Variants in ZMYM4 observed in about 807,000 individuals in gnomAD.
ZMYM4 encodes the protein zinc finger MYM-type protein 4.
ZMYM4 carries 31 observed loss-of-function variants against 183.2 expected under a neutral mutation model. That is an observed-to-expected ratio of 0.17 (90% CI 0.13 to 0.23). The LOEUF (loss-of-function observed/expected upper bound fraction) is 0.23, where lower values mean the gene tolerates loss of function less well. Among genes scored for constraint, ZMYM4 ranks in the 10% least tolerant of loss-of-function variants. The probability of loss-of-function intolerance (pLI) is 1.00; values close to 1 mark genes in which losing one functional copy is unlikely to be tolerated. For synonymous variants in ZMYM4, 592 were observed against 631.2 expected, an observed-to-expected ratio of 0.94 and a Z score of 0.93; for missense variants, 1,273 against 1,840.3, an observed-to-expected ratio of 0.69 and a Z score of 5.64.
At chr1:35,321,873 C>G (rs978585082) in intron 1 of ZMYM4, among the ~76,000 whole-genome samples, 1 of 151,200 alleles carries the variant, frequency 6.6e-6, no homozygotes, top group Non-Finnish European at 1.5e-5. Context: ...CTAGTGATCC[C>G]ACTTCTAGAA....
intron 7 of ZMYM4, among the ~76,000 whole-genome samples, chr1:35,376,963 G>C (rs1160260915): frequency 6.6e-6 from 1 of 151,952 alleles, no homozygotes; most frequent in African/African-American, 2.4e-5. Context: ...CTGAAGTACA[G>C]TGGTGCGATC....
intron 1 of ZMYM4, among the ~76,000 whole-genome samples, chr1:35,270,726 G>C (rs865881795): frequency 1.5e-4 from 23 of 152,040 alleles, no homozygotes; most frequent in Middle Eastern, 3.2e-3. Flanking sequence ...GCAGTGAGCC[G>C]AGATCGTGCT....
chr1:35,374,384 T>C (rs1644289128), intron 7 of ZMYM4, among the ~76,000 whole-genome samples: 1 of 152,184 alleles, frequency 6.6e-6, no homozygotes, highest in Non-Finnish European at 1.5e-5. Context: ...TTAATTTTTA[T>C]AGTTTTTTTT....
At chr1:35,294,571 A>G (rs568539373) in intron 1 of ZMYM4, among the ~76,000 whole-genome samples, 25 of 152,288 alleles carry the variant, frequency 1.6e-4, no homozygotes, top group African/African-American at 5.3e-4. Flanking sequence ...GTTACAAATA[A>G]ACAGATTCAT....
rs774574418 is a variant in ZMYM4 at position 35,381,260 on chromosome 1, G to C, written c.1183G>C (p.Asp395His). The change falls in exon 8 of 30, where the codon GAC becomes CAC. Residue 395 changes from aspartate to histidine, a missense_variant and splice_region_variant. Coordinates refer to ENST00000314607, the MANE Select transcript of ZMYM4 (RefSeq NM_005095.3). ...ATGTTATTTTTTTCTTATTTTTAGAGACATTTTAAATCCAAAGGATGTGAT... is the reference window on the plus strand; with the variant it reads ...ATGTTATTTTTTTCTTATTTTTAGACACATTTTAAATCCAAAGGATGTGAT... ...TKKTCSSCSKDILNPKDVISA... is the reference protein window; with the variant it reads ...TKKTCSSCSKHILNPKDVISA... 6.4e-7 allele frequency: 1 copy of C among 1,568,346 alleles called. No individual in the cohort carries two copies. The highest frequency in any genetic ancestry group is 8.6e-7 in the Non-Finnish European group (1 of 1,160,196).
At chr1:35,373,368 C>CTT (rs1275965881) in intron 7 of ZMYM4, among the ~76,000 whole-genome samples, 1 of 141,008 alleles carries the variant, frequency 7.1e-6, no homozygotes. Context: ...ATGATCTTAA[C>CTT]TTTTTTTTTT....
rs1640316330 is a variant in ZMYM4, at chr1:35,421,230, G to T, written c.*1553G>T. 2 of 152,564 alleles carry T rather than the reference G, an allele frequency of 1.3e-5. No homozygotes were observed. Among genetic ancestry groups the T allele is most frequent in the Non-Finnish European group, 2.9e-5 (2 of 68,022 alleles). The allele number at this position is 152,564 out of a possible 1,614,324, so 9.5% of individuals were successfully genotyped here. ...CTAAAATGAAAAAAGTAGGCCTTCT[G>T]ACATTGTGTACTTGGTGGTTCTGTC... On this transcript the variant is annotated 3_prime_UTR_variant, in exon 30 of 30. Transcript: ENST00000314607.
chr1:35,387,749 T>G, intron 13 of ZMYM4, 145 bp downstream of exon 13: 1 of 832,148 alleles, frequency 1.2e-6, no homozygotes, highest in Admixed American at 3.2e-5. Flanking sequence ...TACACTTAGT[T>G]CATTCTTTTT....
chr1:35,412,126 GC>G (rs1443543259), intron 26 of ZMYM4, among the ~76,000 whole-genome samples: 2 of 151,698 alleles, frequency 1.3e-5, no homozygotes, highest in African/African-American at 2.4e-5. Context: ...TGATCCGCCC[GC>G]CTTAGCCTCC....
intron 23 of ZMYM4, among the ~76,000 whole-genome samples, chr1:35,401,041 G>A (rs1644899754): frequency 6.6e-6 from 1 of 152,182 alleles, no homozygotes; most frequent in African/African-American, 2.4e-5. Flanking sequence ...GTTGTTTCCA[G>A]ATTGGGGCTA....
chr1:35,293,249 C>T lies in ZMYM4; in HGVS notation c.39+24164C>T, dbSNP rs546596997. On this transcript the variant is annotated intron_variant, in intron 1 of 29. Coordinates refer to ENST00000314607, the MANE Select transcript of ZMYM4 (RefSeq NM_005095.3). ...CAAAGTCCTGGGCTCAAATGATCCT[C>T]CTGCCTCAGCCTCCCGAAGTGCTAG... Among the ~76,000 whole-genome samples the T allele has an allele frequency of 1.2e-3, 177 of 152,166 alleles. 1 individual carries two copies. The highest frequency in any genetic ancestry group is 4.1e-3 in the African/African-American group (172 of 41,498).
intron 18 of ZMYM4, among the ~76,000 whole-genome samples, chr1:35,394,673 T>C (rs1644775720): frequency 6.6e-6 from 1 of 152,202 alleles, no homozygotes; most frequent in African/African-American, 2.4e-5. Context: ...TTGAACAGAT[T>C]GTCTTGAATA....
At chr1:35,402,999 G>A (rs1025128108) in intron 23 of ZMYM4, among the ~76,000 whole-genome samples, 1 of 152,160 alleles carries the variant, frequency 6.6e-6, no homozygotes, top group Non-Finnish European at 1.5e-5. Flanking sequence ...GTTACCTGTA[G>A]GTTTCTCATA....
chr1:35,314,511 C>T (rs988148884), intron 1 of ZMYM4, among the ~76,000 whole-genome samples: 6 of 151,502 alleles, frequency 4.0e-5, no homozygotes, highest in Non-Finnish European at 7.4e-5. Context: ...TCTTGAACTC[C>T]TGACCTCAAG....
At chr1:35,315,077 CTTT>C (rs61264993) in intron 1 of ZMYM4, among the ~76,000 whole-genome samples, 3 of 142,364 alleles carry the variant, frequency 2.1e-5, no homozygotes, top group African/African-American at 7.7e-5. Flanking sequence ...AGGTGATGGC[CTTT>C]TTTTTTTTTT....
At chr1:35,324,393 A>G (rs1642420324) in intron 1 of ZMYM4, among the ~76,000 whole-genome samples, 1 of 152,140 alleles carries the variant, frequency 6.6e-6, no homozygotes, top group Non-Finnish European at 1.5e-5. Flanking sequence ...CACTGGGCCC[A>G]GCCAAGAAGT....
intron 1 of ZMYM4, among the ~76,000 whole-genome samples, chr1:35,297,890 T>C (rs1641095889): frequency 6.6e-6 from 1 of 152,232 alleles, no homozygotes; most frequent in South Asian, 2.1e-4. Context: ...ACCAGTCCTG[T>C]ATCAGAGGAC....
chr1:35,341,319 A>G (rs2148860929), intron 2 of ZMYM4, among the ~76,000 whole-genome samples: 1 of 152,154 alleles, frequency 6.6e-6, no homozygotes, highest in Admixed American at 6.5e-5. Context: ...ATACATGTAC[A>G]TATATTACTT....
At chr1:35,412,322 CTATA>C (rs1307686208) in intron 26 of ZMYM4, among the ~76,000 whole-genome samples, 2 of 152,016 alleles carry the variant, frequency 1.3e-5, no homozygotes, top group African/African-American at 4.8e-5. Context: ...CTAAGATTTT[CTATA>C]TATAGGATTC....
Sources: allele counts gnomAD v4.1 joint callset (sites outside exome capture counted in the v4.1 genomes callset), GRCh38; gene constraint gnomAD v4.1.1; transcripts MANE v1.5; gene names NCBI Gene and HGNC (gene_info 2026-07-23, HGNC 2026-07-21).